The following KNG1 variants were observed in gnomAD, a reference collection of about 807,000 sequenced individuals.
KNG1 encodes the protein kininogen-1.
Under a neutral mutation model 47.8 loss-of-function variants are expected in KNG1, and 23 were observed. The ratio of observed to expected loss-of-function variants is 0.48; its 90% confidence interval spans 0.35 to 0.68. The LOEUF is 0.68. Among genes scored for constraint, KNG1 ranks in the 30% least tolerant of loss-of-function variants. The pLI is 0.01. For synonymous variants in KNG1, 277 were observed against 277.0 expected, an observed-to-expected ratio of 1.00 and a Z score of 0.00; for missense variants, 762 against 790.2, an observed-to-expected ratio of 0.96 and a Z score of 0.43.
In KNG1 at chr3:186,743,323, T is replaced by G. The variant is rs1720861726; in HGVS notation, c.*992T>G. 1 of 194,466 alleles carries G rather than the reference T, an allele frequency of 5.1e-6. No homozygotes were observed. Among genetic ancestry groups the G allele is most frequent in the Non-Finnish European group, 1.1e-5 (1 of 93,210 alleles). The allele number at this position is 194,466 out of a possible 1,614,324, so 12.0% of individuals were successfully genotyped here. A position where few individuals can be genotyped will look rare whatever the true frequency, so the allele number is the denominator to read the frequency against. ...TTCCGAAATTTTATGAGGAAATTAC[T>G]CTCTAGTCTCACTTTATAGTCTTTT... On this transcript the variant is annotated 3_prime_UTR_variant, in exon 10 of 10. Coordinates refer to ENST00000644859, the MANE Select transcript of KNG1 (RefSeq NM_001102416.3).
At chr3:186,729,264 G>T (rs1473465138) in intron 5 of KNG1, among the ~76,000 whole-genome samples, 1 of 152,124 alleles carries the variant, frequency 6.6e-6, no homozygotes, top group Non-Finnish European at 1.5e-5. Flanking sequence ...AAATAATTTG[G>T]CAATTTCTGA....
At chr3:186,729,427 T>C (rs1720452813) in intron 5 of KNG1, among the ~76,000 whole-genome samples, 1 of 152,208 alleles carries the variant, frequency 6.6e-6, no homozygotes, top group African/African-American at 2.4e-5. Context: ...ACAACCCAAG[T>C]GTCTATCAAT....
intron 5 of KNG1, among the ~76,000 whole-genome samples, chr3:186,730,743 CAT>C (rs201763561): frequency 0.096 from 12,445 of 129,288 alleles, 779 homozygotes; most frequent in East Asian, 0.3. Context: ...TATATATACA[CAT>C]ATATATATAC....
chr3:186,744,185 T>C lies in KNG1; in HGVS notation c.*1854T>C, dbSNP rs1482410401. Reference sequence around the variant, plus strand: ...GACTCTCTCCTTCTCTTCTTCCTCTTTCTCCAGATTTCCAAGCCTTAGCTA... The same window carrying C: ...GACTCTCTCCTTCTCTTCTTCCTCTCTCTCCAGATTTCCAAGCCTTAGCTA... On this transcript the variant is annotated 3_prime_UTR_variant, in exon 10 of 10. Transcript: ENST00000644859. 4 of 223,474 alleles carry C rather than the reference T, an allele frequency of 1.8e-5. No homozygotes were observed. The highest frequency in any genetic ancestry group is 9.0e-5 in the African/African-American group (4 of 44,636). The allele number at this position is 223,474 out of a possible 1,614,324, so 13.8% of individuals were successfully genotyped here. A position where few individuals can be genotyped will look rare whatever the true frequency, so the allele number is the denominator to read the frequency against.
At chr3:186,730,612 C>T (rs1216555022) in intron 5 of KNG1, among the ~76,000 whole-genome samples, 7 of 137,340 alleles carry the variant, frequency 5.1e-5, no homozygotes, top group African/African-American at 1.4e-4. Flanking sequence ...GCTGAGATTG[C>T]GCCACTGCAC....
At position 186,742,055 on chromosome 3, in the gene KNG1, G is replaced by A; in HGVS notation, c.1659G>A (p.Lys553=). 6.2e-7 allele frequency: 1 copy of A among 1,613,994 alleles called. No individual in the cohort carries two copies. The highest frequency in any genetic ancestry group is 8.5e-7 in the Non-Finnish European group (1 of 1,179,884). The change falls in exon 10 of 10, where the codon AAG becomes AAA. Residue 553 remains lysine, a synonymous_variant. Coordinates refer to ENST00000644859, the MANE Select transcript of KNG1 (RefSeq NM_001102416.3). Reference sequence around the variant, plus strand: ...CAACACCCATCCCTTCCCTAGCCAAGCCAGGTGTAACAGTTACCTTTTCTG... The same window carrying A: ...CAACACCCATCCCTTCCCTAGCCAAACCAGGTGTAACAGTTACCTTTTCTG... ...EGPTPIPSLA[K]PGVTVTFSDF...
At chr3:186,727,200 A>G (rs1366934691) in intron 4 of KNG1, 37 bp from the exon 5 acceptor site, 1 of 1,382,742 alleles carries the variant, frequency 7.2e-7, no homozygotes, top group Non-Finnish European at 1.0e-6. Flanking sequence ...ATAATGTTTA[A>G]ACTGCCCTTT....
chr3:186,743,289 C>A lies in KNG1; in HGVS notation c.*958C>A. 5.1e-6 allele frequency: 1 copy of A among 195,076 alleles called. No individual in the cohort carries two copies. Among genetic ancestry groups the A allele is most frequent in the Non-Finnish European group, 1.1e-5 (1 of 93,762 alleles). 12.1% of individuals were successfully genotyped at this position (195,076 alleles called of 1,614,324 possible). On this transcript the variant is annotated 3_prime_UTR_variant, in exon 10 of 10. Transcript: ENST00000644859. ...CAAGGGAATATTATGGAATGTGATG[C>A]AAAGTTTGTTCCGAAATTTTATGAG...
intron 3 of KNG1, among the ~76,000 whole-genome samples, chr3:186,724,736 C>T (rs1442049872): frequency 1.3e-5 from 2 of 151,836 alleles, no homozygotes; most frequent in East Asian, 1.9e-4. Context: ...TGCTCTGTCG[C>T]CCAGGCTGGA....
chr3:186,732,526 C>G lies in KNG1; in HGVS notation c.782C>G (p.Thr261Ser). 5.6e-6 allele frequency: 9 copies of G among 1,614,156 alleles called. No homozygotes were observed. Among genetic ancestry groups the G allele is most frequent in the Non-Finnish European group, 7.6e-6 (9 of 1,180,040 alleles). Residue 261 changes from threonine to serine, a missense_variant, in exon 7 of 10, where the codon ACC (threonine) becomes AGC (serine). By Grantham distance (58) the Thr-to-Ser change is moderately conservative. Transcript: ENST00000644859. The stretch of plus-strand genomic sequence containing the variant: ...GGGAAGGATTTTGTACAACCACCTA[C>G]CAAGATTTGCGTGGGCTGCCCCAGA... ...YPGKDFVQPP[T>S]KICVGCPRDI... is the part of the protein sequence containing the mutation.
Position 186,743,471 on chromosome 3 carries a change from A to G in KNG1, c.*1140A>G. Reference sequence around the variant, plus strand: ...ATGTTGTACTTTTGCCTAGAAAAACAAGATATGGCTTTAAATAGCTACAAT... The same window carrying G: ...ATGTTGTACTTTTGCCTAGAAAAACGAGATATGGCTTTAAATAGCTACAAT... On this transcript the variant is annotated 3_prime_UTR_variant, in exon 10 of 10. Transcript: ENST00000644859. The G allele has an allele frequency of 1.9e-6, 1 of 532,772 alleles. No individual in the cohort carries two copies. The highest frequency in any genetic ancestry group is 3.4e-6 in the Non-Finnish European group (1 of 295,660). 33.0% of individuals were successfully genotyped at this position (532,772 alleles called of 1,614,324 possible).
At chr3:186,730,717 C>T (rs1234288041) in intron 5 of KNG1, among the ~76,000 whole-genome samples, 114 of 107,570 alleles carry the variant, frequency 1.1e-3, no homozygotes, top group African/African-American at 2.7e-3. Context: ...TATATATATA[C>T]ACACACACAC....
At position 186,732,693 on chromosome 3, in the gene KNG1, A is replaced by G. The variant is rs1720569131; in HGVS notation, c.930+19A>G. 6.3e-7 allele frequency: 1 copy of G among 1,595,680 alleles called. No homozygotes were observed. The highest frequency in any genetic ancestry group is 8.6e-7 in the Non-Finnish European group (1 of 1,163,262). On this transcript the variant is annotated intron_variant, in intron 7 of 9. Coordinates refer to ENST00000644859, the MANE Select transcript of KNG1 (RefSeq NM_001102416.3). ...AGTACAGGTGTGTAAACTATACTAC[A>G]AAAGCAGTAACACTATAGTCTATGT...
At chr3:186,727,493 C>T (rs780886576) in intron 5 of KNG1, 149 bp downstream of exon 5, 5 of 653,512 alleles carry the variant, frequency 7.7e-6, no homozygotes, top group East Asian at 2.7e-5. Context: ...CTAAAGCTCA[C>T]GTCACTGGTC....
At chr3:186,717,877 CACCACA>C in intron 1 of KNG1, 140 bp downstream of exon 1, 1 of 291,150 alleles carries the variant, frequency 3.4e-6, no homozygotes, top group Non-Finnish European at 6.1e-6. Flanking sequence ...CCACCACCAC[CACCACA>C]ACCACCACCA....
rs1248499890 is a variant in KNG1 at position 186,740,828 on chromosome 3, G to C, written c.1126-694G>C. On this transcript the variant is annotated intron_variant, in intron 9 of 9. Coordinates refer to ENST00000644859, the MANE Select transcript of KNG1 (RefSeq NM_001102416.3). The stretch of plus-strand genomic sequence containing the variant: ...AAAAGCAGTGATGGTGGTAATAACA[G>C]TAGTATCAATAATTAAATACTGTGC... Among the ~76,000 whole-genome samples the C allele has an allele frequency of 3.9e-5, 6 of 152,298 alleles. No individual in the cohort carries two copies. The East Asian group carries it at 1.2e-3, about 29-fold the overall frequency.
chr3:186,722,600 C>A, intron 3 of KNG1, 79 bp downstream of exon 3: 2 of 1,137,734 alleles, frequency 1.8e-6, no homozygotes, highest in African/African-American at 1.5e-5. Context: ...CTTGACCAGG[C>A]TCTGCTTGCT....
intron 5 of KNG1, among the ~76,000 whole-genome samples, chr3:186,729,678 C>CT (rs33934143): frequency 0.22 from 33,273 of 148,732 alleles, 4,343 homozygotes; most frequent in Middle Eastern, 0.37. Flanking sequence ...GTAGGCTTTT[C>CT]TTTTTTTTTT....
intron 3 of KNG1, among the ~76,000 whole-genome samples, 193 bp downstream of exon 3, chr3:186,722,714 G>A (rs910000711): frequency 8.5e-5 from 13 of 152,190 alleles, no homozygotes; most frequent in Middle Eastern, 3.2e-3. Flanking sequence ...ATCCCCTTAG[G>A]ACTATCCCAA....
Sources: gnomAD v4.1 joint callset for allele counts (sites outside exome capture counted in the v4.1 genomes callset) on GRCh38, gnomAD v4.1.1 for gene constraint, MANE v1.5 for transcripts, NCBI Gene and HGNC (gene_info 2026-07-23, HGNC 2026-07-21) for gene names.